SH3D19: variants seen among roughly 807,000 people sequenced by gnomAD.
SH3D19 encodes SH3 domain containing 19.
SH3D19 carries 58 observed loss-of-function variants against 112.1 expected under a neutral mutation model. The ratio of observed to expected loss-of-function variants is 0.52; its 90% confidence interval spans 0.42 to 0.64. SH3D19 has a LOEUF of 0.64. Ranked by LOEUF, SH3D19 falls within the 30% of genes least tolerant of loss-of-function variation. SH3D19 has a pLI of 0.00. For missense variants in SH3D19, 1,090 were observed against 1,263.4 expected (o/e 0.86, Z 2.08); for synonymous variants, 391 against 448.5 (o/e 0.87, Z 1.62).
intron 15 of SH3D19, among the ~76,000 whole-genome samples, chr4:151,133,818 T>A (rs1042892975): frequency 5.8e-4 from 88 of 152,340 alleles, no homozygotes; most frequent in African/African-American, 8.9e-4. Flanking sequence ...ATGATTTTTT[T>A]AATCTCCTTT....
At chr4:151,321,808 C>A (rs1474565863) in intron 1 of SH3D19, among the ~76,000 whole-genome samples, 1 of 152,122 alleles carries the variant, frequency 6.6e-6, no homozygotes, top group Non-Finnish European at 1.5e-5. Flanking sequence ...AGATACTGAG[C>A]GTGTACAAGG....
At chr4:151,291,551 A>C in intron 1 of SH3D19, 1 of 792,028 alleles carries the variant, frequency 1.3e-6, no homozygotes, top group Non-Finnish European at 2.0e-6. Context: ...TGGGGTTGGA[A>C]TGTGAAGAGT....
At chr4:151,183,055 G>A (rs1273103664) in intron 3 of SH3D19, among the ~76,000 whole-genome samples, 11 of 148,174 alleles carry the variant, frequency 7.4e-5, no homozygotes, top group Non-Finnish European at 1.0e-4. Context: ...GCAGTGGCAC[G>A]ACCTTGGCTC....
intron 1 of SH3D19, among the ~76,000 whole-genome samples, chr4:151,311,353 G>C (rs1483392170): frequency 1.3e-5 from 2 of 151,146 alleles, no homozygotes; most frequent in Admixed American, 6.6e-5. Flanking sequence ...CCATGATCAT[G>C]CCACTGCACT....
At chr4:151,249,667 A>G (rs1561399888) in intron 1 of SH3D19, among the ~76,000 whole-genome samples, 1 of 152,152 alleles carries the variant, frequency 6.6e-6, no homozygotes, top group South Asian at 2.1e-4. Flanking sequence ...TCGTGTAAAA[A>G]AAAAAGATTT....
At position 151,159,626 on chromosome 4, in the gene SH3D19, TAA is replaced by T. The variant is rs774719467; in HGVS notation, c.1643-276_1643-275del. Reference sequence around the variant, plus strand: ...TGAGAACCTTTTATGTGCCAGGAATTAAGTTAGGCTCTATATTTACATACATT... The same window carrying T: ...TGAGAACCTTTTATGTGCCAGGAATTGTTAGGCTCTATATTTACATACATT... On this transcript the variant is annotated intron_variant, in intron 8 of 19. Transcript: ENST00000604030. Among the ~76,000 whole-genome samples the T allele has an allele frequency of 1.6e-4, 25 of 152,342 alleles. No individual in the cohort carries two copies. The Middle Eastern group carries it at 0.01, about 62-fold the overall frequency.
intron 11 of SH3D19, among the ~76,000 whole-genome samples, chr4:151,146,522 TTTGTTG>T (rs796218861): frequency 6.6e-6 from 1 of 151,720 alleles, no homozygotes; most frequent in South Asian, 2.1e-4. Context: ...ATCAACTGTT[TTTGTTG>T]TTGTTGTTGT....
intron 1 of SH3D19, among the ~76,000 whole-genome samples, chr4:151,247,199 T>G (rs1771006703): frequency 6.6e-6 from 1 of 152,246 alleles, no homozygotes; most frequent in Non-Finnish European, 1.5e-5. Context: ...GTCCCTGGTC[T>G]TCTTTTAGGA....
At chr4:151,302,355 A>G (rs1260990651) in intron 1 of SH3D19, among the ~76,000 whole-genome samples, 1 of 152,226 alleles carries the variant, frequency 6.6e-6, no homozygotes, top group Non-Finnish European at 1.5e-5. Context: ...TATGACAGGT[A>G]CTGGTGTCTA....
intron 1 of SH3D19, among the ~76,000 whole-genome samples, chr4:151,253,254 C>T (rs1017488678): frequency 2.0e-5 from 3 of 152,204 alleles, no homozygotes; most frequent in African/African-American, 7.2e-5. Flanking sequence ...AAGCACACCC[C>T]TGCCTCAGGG....
intron 12 of SH3D19, among the ~76,000 whole-genome samples, chr4:151,141,917 C>T (rs765375129): frequency 2.0e-5 from 3 of 152,178 alleles, no homozygotes; most frequent in Non-Finnish European, 2.9e-5. Context: ...CACATTTTCC[C>T]TTCTCTGCCT....
chr4:151,275,648 G>A (rs563197754), intron 1 of SH3D19, among the ~76,000 whole-genome samples: 1 of 152,148 alleles, frequency 6.6e-6, no homozygotes, highest in South Asian at 2.1e-4. Flanking sequence ...AGCCTCCCGA[G>A]TAGCTGGGGA....
At chr4:151,122,677 A>AG (rs1748240901) in intron 19 of SH3D19, among the ~76,000 whole-genome samples, 1 of 152,164 alleles carries the variant, frequency 6.6e-6, no homozygotes, top group Non-Finnish European at 1.5e-5. Context: ...AGGGCCATCA[A>AG]GGGAGGGCCT....
intron 19 of SH3D19, among the ~76,000 whole-genome samples, chr4:151,123,446 A>C (rs1396416553): frequency 6.6e-6 from 1 of 152,164 alleles, no homozygotes; most frequent in Admixed American, 6.5e-5. Flanking sequence ...CTGGTTTATC[A>C]CATTCCTCCT....
Position 151,153,609 on chromosome 4 carries a change from A to T in SH3D19, c.1756-4048T>A, listed in dbSNP as rs188892085. Among the ~76,000 whole-genome samples, 1,120 of 151,850 alleles carry T rather than the reference A, an allele frequency of 7.4e-3. 47 individuals carry two copies. Among genetic ancestry groups the T allele is most frequent in the Admixed American group, 0.051 (774 of 15,220 alleles). On this transcript the variant is annotated intron_variant, in intron 9 of 19. Transcript: ENST00000604030. ...CATTCAGTAATTGTAATTTTTTTTA[A>T]AAAAAAAGGGATTTCTTAGGCACAG...
chr4:151,298,047 A>G (rs986128147), intron 1 of SH3D19, among the ~76,000 whole-genome samples: 36 of 152,186 alleles, frequency 2.4e-4, no homozygotes, highest in Non-Finnish European at 5.0e-4. Flanking sequence ...ACAGGTGGCC[A>G]CTAGGAGCTA....
intron 1 of SH3D19, among the ~76,000 whole-genome samples, chr4:151,238,770 A>T (rs181253441): frequency 1.1e-3 from 166 of 152,122 alleles, no homozygotes; most frequent in Non-Finnish European, 2.1e-3. Flanking sequence ...TGAAAAAAAA[A>T]TCTTTTTCTT....
intron 1 of SH3D19, among the ~76,000 whole-genome samples, chr4:151,237,412 A>T (rs1019513776): frequency 5.9e-5 from 9 of 152,254 alleles, no homozygotes; most frequent in African/African-American, 1.9e-4. Flanking sequence ...GTCAGCACCA[A>T]TTGCTTACCA....
chr4:151,186,046 G>A (rs1007558508), intron 3 of SH3D19, among the ~76,000 whole-genome samples: 2 of 151,872 alleles, frequency 1.3e-5, no homozygotes, highest in Admixed American at 6.6e-5. Flanking sequence ...TATCGGGGGG[G>A]AAAAACAACC....
Sources: allele counts gnomAD v4.1 joint callset (sites outside exome capture counted in the v4.1 genomes callset), GRCh38; gene constraint gnomAD v4.1.1; transcripts MANE v1.5; gene names NCBI Gene and HGNC (gene_info 2026-07-23, HGNC 2026-07-21).